The following NOXRED1 variants were observed in gnomAD, a reference collection of about 807,000 sequenced individuals.
NOXRED1 encodes NADP dependent oxidoreductase domain containing 1.
NOXRED1 carries 20 observed loss-of-function variants against 30.4 expected under a neutral mutation model. That is an observed-to-expected ratio of 0.66 (90% confidence interval 0.46 to 0.96). The LOEUF (loss-of-function observed/expected upper bound fraction) is 0.96. Among genes scored for constraint, NOXRED1 ranks in the 40% least tolerant of loss-of-function variants. The pLI is 0.00. For synonymous variants in NOXRED1, 155 were observed against 168.0 expected (o/e 0.92, Z 0.60); for missense variants, 374 against 428.0 (o/e 0.87, Z 1.11).
chr14:77,408,856 C>G (rs1894554204), intron 2 of NOXRED1, among the ~76,000 whole-genome samples: 2 of 138,820 alleles, frequency 1.4e-5, no homozygotes, highest in Admixed American at 1.5e-4. Context: ...AGACTGATAA[C>G]TCATGTAGTT....
intron 1 of NOXRED1, among the ~76,000 whole-genome samples, chr14:77,418,508 T>C (rs1894894976): frequency 2.0e-5 from 3 of 151,566 alleles, no homozygotes; most frequent in Admixed American, 1.3e-4. Context: ...TTATTATTTC[T>C]ATATTTACAT....
intron 2 of NOXRED1, among the ~76,000 whole-genome samples, chr14:77,409,103 A>G (rs1284449285): frequency 6.6e-6 from 1 of 152,032 alleles, no homozygotes; most frequent in Admixed American, 6.6e-5. Flanking sequence ...AACAGAATAT[A>G]ACAGACATTG....
At chr14:77,396,377 G>A (rs1002154750) in intron 5 of NOXRED1, among the ~76,000 whole-genome samples, 2 of 150,596 alleles carry the variant, frequency 1.3e-5, no homozygotes, top group African/African-American at 4.9e-5. Flanking sequence ...AGCCTCCCAA[G>A]TAGCTGGGAT....
intron 1 of NOXRED1, 38 bp from the exon 2 acceptor site, chr14:77,414,165 G>A (rs775059483): frequency 7.3e-6 from 9 of 1,238,726 alleles, no homozygotes; most frequent in Middle Eastern, 2.0e-4. Flanking sequence ...ATAAATACAT[G>A]CACACACTAG....
chr14:77,421,289 G>A (rs917804730), intron 1 of NOXRED1, among the ~76,000 whole-genome samples: 1 of 152,188 alleles, frequency 6.6e-6, no homozygotes, highest in African/African-American at 2.4e-5. Context: ...GCTTGCTGGA[G>A]GTTTCATAAA....
chr14:77,414,475 G>A (rs548201651), intron 1 of NOXRED1, among the ~76,000 whole-genome samples: 16 of 152,102 alleles, frequency 1.1e-4, no homozygotes, highest in African/African-American at 3.1e-4. Flanking sequence ...CACCGCACCC[G>A]GCCTAGTTCT....
intron 5 of NOXRED1, among the ~76,000 whole-genome samples, chr14:77,396,248 CTTTT>C (rs35292349): frequency 1.5e-5 from 2 of 131,122 alleles, no homozygotes; most frequent in African/African-American, 5.8e-5. Flanking sequence ...TCCAAGGAAT[CTTTT>C]TTTTTTTTTT....
chr14:77,406,528 A>G (rs912337100), intron 4 of NOXRED1, 196 bp downstream of exon 4: 4 of 675,908 alleles, frequency 5.9e-6, no homozygotes, highest in Middle Eastern at 4.1e-4. Context: ...TGTCCTTAAG[A>G]AGTCCAAATG....
intron 2 of NOXRED1, 78 bp from the exon 3 acceptor site, chr14:77,407,723 A>C: frequency 8.2e-6 from 8 of 973,778 alleles, no homozygotes; most frequent in Non-Finnish European, 1.3e-5. Flanking sequence ...GGAGAGGGTG[A>C]TCATTATTTT....
chr14:77,402,288 CAG>C (rs1262679961), intron 5 of NOXRED1, among the ~76,000 whole-genome samples: 16 of 152,276 alleles, frequency 1.1e-4, no homozygotes, highest in Non-Finnish European at 1.9e-4. Flanking sequence ...TTGCAGAAGA[CAG>C]ATAAAGGACT....
chr14:77,417,430 C>A (rs1376477135), intron 1 of NOXRED1, among the ~76,000 whole-genome samples: 1 of 152,212 alleles, frequency 6.6e-6, no homozygotes, highest in Non-Finnish European at 1.5e-5. Flanking sequence ...TCAGTTATGT[C>A]AATATTTGCC....
chr14:77,415,633 GACA>G (rs1894794406), intron 1 of NOXRED1, among the ~76,000 whole-genome samples: 2 of 149,302 alleles, frequency 1.3e-5, no homozygotes, highest in African/African-American at 5.1e-5. Context: ...TAGATAGATA[GACA>G]GACAGACAGA....
rs1285707774 is a variant in NOXRED1 at position 77,394,290 on chromosome 14, T to G, written c.*341A>C. 6.1e-6 allele frequency: 1 copy of G among 164,582 alleles called. No homozygotes were observed. Among genetic ancestry groups the G allele is most frequent in the East Asian group, 1.6e-4 (1 of 6,064 alleles). The allele number at this position is 164,582 out of a possible 1,614,324, so 10.2% of individuals were successfully genotyped here. On this transcript the variant is annotated 3_prime_UTR_variant, in exon 6 of 6. Coordinates refer to ENST00000380835, the MANE Select transcript of NOXRED1 (RefSeq NM_001113475.3). ...AAACTTGATTTATTGGAAAAGAAGC[T>G]GCAGTATGTAATTGTCTAAAACTTA...
chr14:77,406,647 A>G (rs1566708739), intron 4 of NOXRED1, 77 bp downstream of exon 4: 1 of 1,260,114 alleles, frequency 7.9e-7, no homozygotes. Flanking sequence ...AGAGAGAGAG[A>G]TTGATTTAAT....
At chr14:77,421,988 A>G (rs1471205793) in intron 1 of NOXRED1, among the ~76,000 whole-genome samples, 1 of 152,216 alleles carries the variant, frequency 6.6e-6, no homozygotes, top group East Asian at 1.9e-4. Context: ...TCAGTAAGCC[A>G]GTCAGTAAAT....
At chr14:77,398,794 C>A (rs1894249700) in intron 5 of NOXRED1, among the ~76,000 whole-genome samples, 1 of 151,986 alleles carries the variant, frequency 6.6e-6, no homozygotes, top group Non-Finnish European at 1.5e-5. Context: ...CATGGTGAAA[C>A]CCCATCTCTA....
Position 77,402,893 on chromosome 14 carries a change from G to A in NOXRED1, c.905+3020C>T, listed in dbSNP as rs1467423304. On this transcript the variant is annotated intron_variant, in intron 5 of 5. Coordinates refer to ENST00000380835, the MANE Select transcript of NOXRED1 (RefSeq NM_001113475.3). Reference sequence around the variant, plus strand: ...TACTAAAAACACAAAAAATTAGCCGGGTGTGGTGGTGCATGCCTGTAATCC... The same window carrying A: ...TACTAAAAACACAAAAAATTAGCCGAGTGTGGTGGTGCATGCCTGTAATCC... 2.0e-5 allele frequency among the ~76,000 whole-genome samples: 3 copies of A among 151,472 alleles called. No individual in the cohort carries two copies. The East Asian group carries it at 5.8e-4, about 29-fold the overall frequency.
At chr14:77,398,636 T>C (rs1000493967) in intron 5 of NOXRED1, among the ~76,000 whole-genome samples, 1 of 152,174 alleles carries the variant, frequency 6.6e-6, no homozygotes, top group Non-Finnish European at 1.5e-5. Flanking sequence ...CGTAGGACTA[T>C]AGAACACTTC....
At chr14:77,408,892 ATTTTTTT>A (rs1177680524) in intron 2 of NOXRED1, among the ~76,000 whole-genome samples, 3 of 68,154 alleles carry the variant, frequency 4.4e-5, no homozygotes, top group Non-Finnish European at 8.0e-5. Context: ...CTGGTAGTTA[ATTTTTTT>A]TTTTTTTTTT....
Sources: allele counts gnomAD v4.1 joint callset (sites outside exome capture counted in the v4.1 genomes callset), GRCh38; gene constraint gnomAD v4.1.1; transcripts MANE v1.5; gene names NCBI Gene and HGNC (gene_info 2026-07-23, HGNC 2026-07-21).